The following MAD1L1 variants were observed in gnomAD, a reference collection of about 807,000 sequenced individuals.
The protein encoded by MAD1L1 is mitotic arrest deficient 1 like 1, also known as mitotic spindle assembly checkpoint protein MAD1.
In MAD1L1, 95 loss-of-function variants were observed where a neutral mutation model predicts 96.9. The observed-to-expected ratio is 0.98, with a 90% CI of 0.83 to 1.16. MAD1L1 has a LOEUF of 1.16. Ranked by LOEUF, MAD1L1 falls within the 50% of genes most tolerant of loss-of-function variation. The probability of loss-of-function intolerance (pLI) is 0.00; values close to 1 mark genes in which losing one functional copy is unlikely to be tolerated. For missense variants in MAD1L1, 1,007 were observed against 954.4 expected, an observed-to-expected ratio of 1.06 and a Z score of -0.73; for synonymous variants, 473 against 396.6, an observed-to-expected ratio of 1.19 and a Z score of -2.29.
At chr7:1,897,620 C>G (rs1158335527) in intron 18 of MAD1L1, among the ~76,000 whole-genome samples, 1 of 152,366 alleles carries the variant, frequency 6.6e-6, no homozygotes, top group East Asian at 1.9e-4. Context: ...GGACCCCGCT[C>G]GCCCGAGGAC....
At chr7:1,933,843 G>T (rs1352679798) in intron 17 of MAD1L1, among the ~76,000 whole-genome samples, 1 of 152,174 alleles carries the variant, frequency 6.6e-6, no homozygotes, top group East Asian at 1.9e-4. Context: ...CTGTGCTTCA[G>T]TCAGTGGCAT....
At position 2,102,654 on chromosome 7, in the gene MAD1L1, T is replaced by A. The variant is rs112739868; in HGVS notation, c.1074-33316A>T. On this transcript the variant is annotated intron_variant, in intron 11 of 18. Transcript: ENST00000265854. ...CGCACCATCATCGCCACTGTCACTA[T>A]CTCCACTGTCACCAGCACTCTCAGG... Among the ~76,000 whole-genome samples, 223 of 143,042 alleles carry A rather than the reference T, an allele frequency of 1.6e-3. 2 individuals are homozygous for A. Among genetic ancestry groups the A allele is most frequent in the African/African-American group, 5.8e-3 (216 of 37,440 alleles). The allele number at this position is 143,042 out of a possible 152,430, so 93.8% of individuals were successfully genotyped here. A position where few individuals can be genotyped will look rare whatever the true frequency, so the allele number is the denominator to read the frequency against.
At chr7:1,844,833 A>T (rs950227813) in intron 18 of MAD1L1, among the ~76,000 whole-genome samples, 1 of 150,730 alleles carries the variant, frequency 6.6e-6, no homozygotes, top group African/African-American at 2.5e-5. Context: ...CGTGCAAGCC[A>T]CTCCAGCACC....
chr7:1,987,048 G>A (rs1355936141), intron 14 of MAD1L1, among the ~76,000 whole-genome samples: 1 of 151,382 alleles, frequency 6.6e-6, no homozygotes, highest in Non-Finnish European at 1.5e-5. Flanking sequence ...CATGTCTGTG[G>A]GCCACCTTCC....
chr7:1,827,964 A>G (rs1269423668), intron 18 of MAD1L1, among the ~76,000 whole-genome samples: 3 of 152,092 alleles, frequency 2.0e-5, no homozygotes, highest in African/African-American at 7.2e-5. Flanking sequence ...CGCCACGCTT[A>G]GGGCAATGTG....
chr7:1,829,928 G>C (rs896304422), intron 18 of MAD1L1, among the ~76,000 whole-genome samples: 2 of 152,160 alleles, frequency 1.3e-5, no homozygotes, highest in African/African-American at 2.4e-5. Context: ...GATCACCTCT[G>C]TAAAGTACAG....
At chr7:2,102,268 T>C in intron 11 of MAD1L1, among the ~76,000 whole-genome samples, 2 of 124,736 alleles carry the variant, frequency 1.6e-5, no homozygotes, top group Non-Finnish European at 3.4e-5. Context: ...ATCACCACCA[T>C]CACTATCACC....
At position 2,225,685 on chromosome 7, in the gene MAD1L1, C is replaced by A. The variant is rs1183482791; in HGVS notation, c.151-135G>T. On this transcript the variant is annotated intron_variant, in intron 3 of 18. Transcript: ENST00000265854. The stretch of plus-strand genomic sequence containing the variant: ...CGTGCTAAGTCTTGATGTGGCCCAG[C>A]CACTGGGCTCCAGGCTGGGGAACAG... 32 of 929,724 alleles carry A rather than the reference C, an allele frequency of 3.4e-5. No individual in the cohort carries two copies. The East Asian group carries it at 8.0e-4, about 23-fold the overall frequency. 57.6% of individuals were successfully genotyped at this position (929,724 alleles called of 1,614,324 possible).
chr7:1,828,866 TGAG>T (rs1003058268), intron 18 of MAD1L1, among the ~76,000 whole-genome samples: 1 of 151,562 alleles, frequency 6.6e-6, no homozygotes, highest in African/African-American at 2.4e-5. Flanking sequence ...CCCAAAAAAT[TGAG>T]GATAGACATA....
intron 11 of MAD1L1, among the ~76,000 whole-genome samples, chr7:2,118,905 C>T (rs1002824822): frequency 1.3e-5 from 2 of 152,178 alleles, no homozygotes; most frequent in Non-Finnish European, 2.9e-5. Flanking sequence ...AGCCACCCCG[C>T]GATTGTGCCT....
chr7:1,920,997 C>A (rs1358186563), intron 17 of MAD1L1, among the ~76,000 whole-genome samples: 1 of 152,256 alleles, frequency 6.6e-6, no homozygotes, highest in Admixed American at 6.5e-5. Context: ...ACGAGACAGG[C>A]AACCCAAAGA....
At chr7:2,002,001 G>A (rs778317163) in intron 14 of MAD1L1, 64 bp downstream of exon 14, 23 of 1,553,530 alleles carry the variant, frequency 1.5e-5, no homozygotes, top group Non-Finnish European at 2.0e-5. Context: ...ATGGGGACAG[G>A]CGTCCCTGCC....
intron 10 of MAD1L1, among the ~76,000 whole-genome samples, chr7:2,155,823 A>C (rs1789806011): frequency 1.3e-5 from 2 of 152,374 alleles, no homozygotes; most frequent in Middle Eastern, 3.4e-3. Context: ...GATACGCAGA[A>C]GCGGCACTGA....
At chr7:1,883,859 A>G (rs1785839852) in intron 18 of MAD1L1, among the ~76,000 whole-genome samples, 1 of 152,166 alleles carries the variant, frequency 6.6e-6, no homozygotes, top group South Asian at 2.1e-4. Flanking sequence ...CCGGAGCAGG[A>G]GCCTCGAGCG....
intron 17 of MAD1L1, 108 bp downstream of exon 17, chr7:1,936,579 C>A (rs1327604476): frequency 1.7e-6 from 2 of 1,193,556 alleles, no homozygotes; most frequent in South Asian, 1.5e-5. Flanking sequence ...GAGGACAAAC[C>A]CTCTGGGGAT....
At chr7:1,866,579 G>A (rs1784789351) in intron 18 of MAD1L1, among the ~76,000 whole-genome samples, 1 of 152,212 alleles carries the variant, frequency 6.6e-6, no homozygotes, top group African/African-American at 2.4e-5. Context: ...GAGCGCTACA[G>A]AGAAGCTGCT....
intron 18 of MAD1L1, among the ~76,000 whole-genome samples, chr7:1,891,081 G>A (rs1370168599): frequency 6.6e-6 from 1 of 152,144 alleles, no homozygotes; most frequent in Non-Finnish European, 1.5e-5. Context: ...ATGGGCAGAG[G>A]GGAAAAAAGG....
chr7:2,225,351 G>A (rs910354951), intron 4 of MAD1L1, 59 bp downstream of exon 4: 8 of 1,593,124 alleles, frequency 5.0e-6, no homozygotes, highest in African/African-American at 4.0e-5. Flanking sequence ...CAGGTACCGT[G>A]CACAGCCCCC....
intron 12 of MAD1L1, among the ~76,000 whole-genome samples, chr7:2,032,469 T>C (rs1248458297): frequency 6.6e-6 from 1 of 152,118 alleles, no homozygotes; most frequent in Non-Finnish European, 1.5e-5. Flanking sequence ...CTGAAAAGAT[T>C]TGGTGCACAT....
Sources: gnomAD v4.1 joint callset for allele counts (sites outside exome capture counted in the v4.1 genomes callset) on GRCh38, gnomAD v4.1.1 for gene constraint, MANE v1.5 for transcripts, NCBI Gene and HGNC (gene_info 2026-07-23, HGNC 2026-07-21) for gene names.